KIN: variants seen among roughly 807,000 people sequenced by gnomAD.
KIN encodes the protein Kin17 DNA and RNA binding protein.
Under a neutral mutation model 63.0 loss-of-function variants are expected in KIN, and 47 were observed. That is an observed-to-expected ratio of 0.75 (90% CI 0.59 to 0.95). The LOEUF is 0.95. KIN is among the 40% of genes least tolerant of loss of function. The pLI, the probability that KIN is intolerant of heterozygous loss-of-function variation, is 0.00. For missense variants in KIN, 408 were observed against 460.9 expected, an observed-to-expected ratio of 0.89 and a Z score of 1.05; for synonymous variants, 160 against 157.7, an observed-to-expected ratio of 1.01 and a Z score of -0.11.
intron 12 of KIN, among the ~76,000 whole-genome samples, chr10:7,757,623 T>C (rs1329442293): frequency 2.0e-5 from 3 of 152,138 alleles, no homozygotes; most frequent in East Asian, 1.9e-4. Flanking sequence ...ACAATGATGA[T>C]GACTCTAACC....
chr10:7,784,916 C>T (rs1835967862), intron 1 of KIN, among the ~76,000 whole-genome samples: 1 of 152,150 alleles, frequency 6.6e-6, no homozygotes, highest in Admixed American at 6.5e-5. Flanking sequence ...TTATTGGCTT[C>T]CTTATATGAT....
chr10:7,760,709 A>G (rs1835420970), intron 11 of KIN, among the ~76,000 whole-genome samples: 1 of 152,210 alleles, frequency 6.6e-6, no homozygotes, highest in Non-Finnish European at 1.5e-5. Context: ...ATTATTCTCA[A>G]TCTTTTACTG....
chr10:7,783,848 T>C (rs2131035730), intron 1 of KIN, among the ~76,000 whole-genome samples: 1 of 152,208 alleles, frequency 6.6e-6, no homozygotes, highest in East Asian at 1.9e-4. Context: ...CTAGATTCCT[T>C]CTTCTCTTTC....
chr10:7,781,216 G>A (rs1160171095), intron 2 of KIN, among the ~76,000 whole-genome samples: 2 of 152,118 alleles, frequency 1.3e-5, no homozygotes, highest in African/African-American at 4.8e-5. Flanking sequence ...AACCCTAGAG[G>A]TGAACTGCAA....
chr10:7,781,587 T>TACACACACACACACACACACACACACAC (rs3036327), intron 2 of KIN, among the ~76,000 whole-genome samples: 3 of 140,626 alleles, frequency 2.1e-5, no homozygotes, highest in African/African-American at 8.3e-5. Flanking sequence ...ACCCTGTCTC[T>TACACACACACACACACACACACACACAC]ACACACACAC....
At chr10:7,761,432 C>T (rs916677359) in intron 11 of KIN, 1 of 152,060 alleles carries the variant, frequency 6.6e-6, no homozygotes, top group Non-Finnish European at 1.5e-5. Context: ...GATAAGTTTC[C>T]AAAAGGCAAA....
intron 5 of KIN, among the ~76,000 whole-genome samples, chr10:7,776,529 G>A (rs1014872679): frequency 1.3e-5 from 2 of 151,148 alleles, no homozygotes; most frequent in East Asian, 2.0e-4. Flanking sequence ...GTGAAAGAGC[G>A]AGACGAGCCT....
Position 7,762,686 on chromosome 10 carries a change from C to T in KIN, c.919-130G>A. ...AAAGAGTAACTCCTTCTATAAATGACACTATTTTCTAGATTCCATACATGA... is the reference window on the plus strand; with the variant it reads ...AAAGAGTAACTCCTTCTATAAATGATACTATTTTCTAGATTCCATACATGA... On this transcript the variant is annotated intron_variant, in intron 10 of 12. Transcript: ENST00000379562. 2 of 529,212 alleles carry T rather than the reference C, an allele frequency of 3.8e-6. 1 individual carries two copies. Among genetic ancestry groups the T allele is most frequent in the South Asian group, 5.8e-5 (2 of 34,318 alleles). The allele number at this position is 529,212 out of a possible 1,614,324, so 32.8% of individuals were successfully genotyped here.
At position 7,766,096 on chromosome 10, in the gene KIN, T is replaced by G; in HGVS notation, c.806A>C (p.Glu269Ala). 1 of 1,608,140 alleles carries G rather than the reference T, an allele frequency of 6.2e-7. No individual in the cohort carries two copies. The highest frequency in any genetic ancestry group is 8.5e-7 in the Non-Finnish European group (1 of 1,175,728). Reference sequence around the variant, plus strand: ...TGTTCGGGCAGTTCTTTTCTTTTCCTCTTCAATCTGTAGAACACATAATGT... The same window carrying G: ...TGTTCGGGCAGTTCTTTTCTTTTCCGCTTCAATCTGTAGAACACATAATGT... Reference protein sequence around the residue: ...SALDEIMEIEEEKKRTARTDY... With the variant: ...SALDEIMEIEAEKKRTARTDY... Residue 269 changes from glutamate (E) to alanine (A), a missense_variant, in exon 9 of 13, where the codon GAG becomes GCG. Glu to Ala is a moderately radical substitution (Grantham distance 107). Coordinates refer to ENST00000379562, the MANE Select transcript of KIN (RefSeq NM_012311.4).
At position 7,753,892 on chromosome 10, in the gene KIN, A is replaced by G. The variant is rs1197113399; in HGVS notation, c.*2188T>C. The G allele has an allele frequency of 3.0e-6, 1 of 336,554 alleles. No individual in the cohort carries two copies. Among genetic ancestry groups the G allele is most frequent in the African/African-American group, 2.2e-5 (1 of 46,096 alleles). The allele number at this position is 336,554 out of a possible 1,614,324, so 20.8% of individuals were successfully genotyped here. A position where few individuals can be genotyped will look rare whatever the true frequency, so the allele number is the denominator to read the frequency against. The stretch of plus-strand genomic sequence containing the variant: ...CGTTCTCCCATCTTCTGAGAATAGA[A>G]GCAATCAGCCCTCCCTGACTCTCAG... On this transcript the variant is annotated 3_prime_UTR_variant, in exon 13 of 13. Coordinates refer to ENST00000379562, the MANE Select transcript of KIN (RefSeq NM_012311.4).
At chr10:7,780,745 T>G (rs1835880342) in intron 2 of KIN, among the ~76,000 whole-genome samples, 1 of 152,214 alleles carries the variant, frequency 6.6e-6, no homozygotes, top group Admixed American at 6.5e-5. Flanking sequence ...AACATCTACA[T>G]GAATATGGCT....
chr10:7,769,112 C>T, intron 8 of KIN, 104 bp downstream of exon 8: 1 of 1,077,520 alleles, frequency 9.3e-7, no homozygotes, highest in Non-Finnish European at 1.3e-6. Flanking sequence ...ATTCCCTAGT[C>T]CGTACATGAT....
At chr10:7,769,147 TA>T in intron 8 of KIN, 68 bp downstream of exon 8, 1 of 1,407,320 alleles carries the variant, frequency 7.1e-7, no homozygotes, top group Non-Finnish European at 9.6e-7. Flanking sequence ...TCTATTAATC[TA>T]ATAAATGGTG....
intron 5 of KIN, 97 bp from the exon 6 acceptor site, chr10:7,775,896 A>G (rs1222108980): frequency 8.6e-6 from 6 of 694,298 alleles, no homozygotes; most frequent in Non-Finnish European, 1.5e-5. Flanking sequence ...GTTCCCAGGC[A>G]GCTCTAATAC....
chr10:7,759,462 G>A (rs191695357), intron 12 of KIN, among the ~76,000 whole-genome samples: 3 of 152,082 alleles, frequency 2.0e-5, no homozygotes, highest in Admixed American at 6.5e-5. Context: ...TCTTGACAAT[G>A]ACTTTACTTC....
In KIN at chr10:7,782,964, G is replaced by C. The variant is rs914539340; in HGVS notation, c.209+117C>G. On this transcript the variant is annotated intron_variant, in intron 2 of 12. Coordinates refer to ENST00000379562, the MANE Select transcript of KIN (RefSeq NM_012311.4). ...AAAGAAGATAAAAACTGAGCATAGA[G>C]AGAATACAGTTAACATATAAGAAAT... is the stretch of plus-strand genomic sequence containing the variant. The C allele has an allele frequency of 8.8e-6, 4 of 452,910 alleles. No individual in the cohort carries two copies. In the East Asian group the frequency reaches 1.4e-4, roughly 16 times the overall value. The allele number at this position is 452,910 out of a possible 1,614,324, so 28.1% of individuals were successfully genotyped here.
At chr10:7,767,441 C>T (rs894353876) in intron 8 of KIN, among the ~76,000 whole-genome samples, 2 of 152,178 alleles carry the variant, frequency 1.3e-5, no homozygotes, top group African/African-American at 4.8e-5. Context: ...ACTATACAGA[C>T]CCGGGGGCTT....
intron 12 of KIN, among the ~76,000 whole-genome samples, chr10:7,758,546 G>A (rs768262426): frequency 9.2e-5 from 14 of 152,094 alleles, no homozygotes; most frequent in Non-Finnish European, 1.5e-4. Context: ...CAAAGGTATC[G>A]AGATGGAACT....
chr10:7,765,978 C>G, intron 9 of KIN, 75 bp downstream of exon 9: 1 of 1,060,626 alleles, frequency 9.4e-7, no homozygotes. Flanking sequence ...AGTTTAGTTA[C>G]TTATACCAAA....
Sources: allele counts gnomAD v4.1 joint callset (sites outside exome capture counted in the v4.1 genomes callset), GRCh38; gene constraint gnomAD v4.1.1; transcripts MANE v1.5; gene names NCBI Gene and HGNC (gene_info 2026-07-23, HGNC 2026-07-21).